NDUFA9: variants seen among roughly 807,000 people sequenced by gnomAD.
NDUFA9 encodes NADH dehydrogenase [ubiquinone] 1 alpha subcomplex subunit 9, mitochondrial.
A neutral mutation model predicts 45.9 loss-of-function variants in NDUFA9; 23 were observed. The ratio of observed to expected loss-of-function variants is 0.50; its 90% CI spans 0.36 to 0.71. The LOEUF (loss-of-function observed/expected upper bound fraction) is 0.71, where lower values mean the gene tolerates loss of function less well. Among genes scored for constraint, NDUFA9 ranks in the 30% least tolerant of loss-of-function variants. The pLI is 0.00. For missense variants in NDUFA9, 466 were observed against 488.2 expected (o/e 0.95, Z 0.43); for synonymous variants, 176 against 170.5 (o/e 1.03, Z -0.25).
At chr12:4,679,833 G>A (rs922871834) in intron 8 of NDUFA9, among the ~76,000 whole-genome samples, 1 of 152,190 alleles carries the variant, frequency 6.6e-6, no homozygotes, top group African/African-American at 2.4e-5. Context: ...GGTACATCTT[G>A]TTTATAAATT....
intron 6 of NDUFA9, among the ~76,000 whole-genome samples, chr12:4,667,862 CA>C (rs200146457): frequency 6.6e-6 from 1 of 151,538 alleles, no homozygotes; most frequent in Non-Finnish European, 1.5e-5. Context: ...ACAAACAAAA[CA>C]AAAAAAACTT....
intron 8 of NDUFA9, among the ~76,000 whole-genome samples, chr12:4,673,639 A>G (rs940660721): frequency 5.3e-5 from 8 of 152,230 alleles, no homozygotes; most frequent in Admixed American, 5.2e-4. Context: ...AAAAGAGTGA[A>G]AAGAAATGAA....
intron 6 of NDUFA9, among the ~76,000 whole-genome samples, chr12:4,664,692 A>G (rs1404438412): frequency 6.6e-6 from 1 of 152,222 alleles, no homozygotes; most frequent in Non-Finnish European, 1.5e-5. Flanking sequence ...AGTAGGTCCT[A>G]GAAGTTAGAA....
rs962857616 is a variant in NDUFA9 at position 4,688,886 on chromosome 12, G to A, written c.*1778G>A. 3.9e-5 allele frequency: 6 copies of A among 152,156 alleles called. No homozygotes were observed. The highest frequency in any genetic ancestry group is 1.3e-4 in the Admixed American group (2 of 15,284). The allele number at this position is 152,156 out of a possible 1,614,324, so 9.4% of individuals were successfully genotyped here. A position where few individuals can be genotyped will look rare whatever the true frequency, so the allele number is the denominator to read the frequency against. On this transcript the variant is annotated 3_prime_UTR_variant, in exon 11 of 11. Transcript: ENST00000266544. Reference sequence around the variant, plus strand: ...CCAGCCATTAGGCACAGAGATGGGTGGATTTAATTTGAAAAGGAACTATAA... The same window carrying A: ...CCAGCCATTAGGCACAGAGATGGGTAGATTTAATTTGAAAAGGAACTATAA...
intron 6 of NDUFA9, among the ~76,000 whole-genome samples, chr12:4,666,718 T>G (rs2137472574): frequency 6.6e-6 from 1 of 152,354 alleles, no homozygotes; most frequent in South Asian, 2.1e-4. Context: ...CATTGCTCTG[T>G]ATGTTTTTCT....
intron 8 of NDUFA9, among the ~76,000 whole-genome samples, chr12:4,673,437 TTAGATGAATTGCTAAC>T (rs2137478609): frequency 6.6e-6 from 1 of 152,202 alleles, no homozygotes; most frequent in East Asian, 1.9e-4. Context: ...TGAGAAAAGG[TTAGATGAATTGCTAAC>T]TAGAATAACC....
At chr12:4,654,540 C>A in intron 2 of NDUFA9, 78 bp downstream of exon 2, 1 of 1,491,754 alleles carries the variant, frequency 6.7e-7, no homozygotes, top group South Asian at 1.2e-5. Flanking sequence ...AGCTATGTTT[C>A]TCTTCATTTT....
intron 1 of NDUFA9, among the ~76,000 whole-genome samples, chr12:4,651,876 T>C: frequency 6.6e-6 from 1 of 152,192 alleles, no homozygotes; most frequent in East Asian, 1.9e-4. Flanking sequence ...CACTGAGCAA[T>C]GGAGAACGGG....
chr12:4,660,099 G>A (rs1019082977), intron 5 of NDUFA9, among the ~76,000 whole-genome samples: 1 of 152,198 alleles, frequency 6.6e-6, no homozygotes, highest in African/African-American at 2.4e-5. Flanking sequence ...TCTGGCTGAA[G>A]CCACTGGGTA....
rs1946010886 is a variant in NDUFA9 at position 4,690,048 on chromosome 12, G to A, written c.*2940G>A. The A allele has an allele frequency of 6.6e-6, 1 of 152,438 alleles. No homozygotes were observed. Among genetic ancestry groups the A allele is most frequent in the Non-Finnish European group, 1.5e-5 (1 of 68,250 alleles). The allele number at this position is 152,438 out of a possible 1,614,324, so 9.4% of individuals were successfully genotyped here. A position where few individuals can be genotyped will look rare whatever the true frequency, so the allele number is the denominator to read the frequency against. On this transcript the variant is annotated 3_prime_UTR_variant, in exon 11 of 11. Coordinates refer to ENST00000266544, the MANE Select transcript of NDUFA9 (RefSeq NM_005002.5). ...GCATATGACAAGTAACTGGGAGCTGGGCATAAGATCTAGGACACTCATATC... is the reference window on the plus strand; with the variant it reads ...GCATATGACAAGTAACTGGGAGCTGAGCATAAGATCTAGGACACTCATATC...
chr12:4,683,548 C>G (rs1945966754), intron 9 of NDUFA9, among the ~76,000 whole-genome samples: 1 of 152,182 alleles, frequency 6.6e-6, no homozygotes, highest in African/African-American at 2.4e-5. Flanking sequence ...AAATAGACCA[C>G]TAGAATGCAG....
chr12:4,650,594 A>G (rs1189205454), intron 1 of NDUFA9, among the ~76,000 whole-genome samples: 2 of 152,234 alleles, frequency 1.3e-5, no homozygotes, highest in Non-Finnish European at 2.9e-5. Context: ...AGTATGTAAC[A>G]TAATCCACAC....
chr12:4,678,587 A>C (rs953332743), intron 8 of NDUFA9, among the ~76,000 whole-genome samples: 1 of 152,208 alleles, frequency 6.6e-6, no homozygotes, highest in Non-Finnish European at 1.5e-5. Context: ...TATACAAAGA[A>C]ATCTTAGAAC....
intron 6 of NDUFA9, among the ~76,000 whole-genome samples, chr12:4,662,906 G>A (rs1945831735): frequency 6.6e-6 from 1 of 152,098 alleles, no homozygotes; most frequent in Non-Finnish European, 1.5e-5. Context: ...TGTGACCTTG[G>A]CAAATATTCG....
intron 6 of NDUFA9, among the ~76,000 whole-genome samples, chr12:4,664,940 A>G (rs1328732527): frequency 6.6e-6 from 1 of 152,114 alleles, no homozygotes. Flanking sequence ...AGGAATGTCT[A>G]TCTTATGCCT....
intron 9 of NDUFA9, 41 bp downstream of exon 9, chr12:4,682,341 A>G: frequency 7.0e-7 from 1 of 1,429,878 alleles, no homozygotes; most frequent in Non-Finnish European, 9.9e-7. Context: ...TGAAAAAGCC[A>G]GCTCCACACA....
At chr12:4,663,308 A>T (rs910773633) in intron 6 of NDUFA9, among the ~76,000 whole-genome samples, 3 of 152,188 alleles carry the variant, frequency 2.0e-5, no homozygotes, top group Middle Eastern at 3.2e-3. Flanking sequence ...CTTAAAAAAA[A>T]TTGTGGCAAA....
At chr12:4,673,322 A>T (rs1048165122) in intron 8 of NDUFA9, among the ~76,000 whole-genome samples, 1 of 152,206 alleles carries the variant, frequency 6.6e-6, no homozygotes, top group South Asian at 2.1e-4. Flanking sequence ...CCTCCAAAGG[A>T]TTACAACTCC....
intron 1 of NDUFA9, among the ~76,000 whole-genome samples, chr12:4,650,259 A>G (rs1029618381): frequency 6.6e-6 from 1 of 151,548 alleles, no homozygotes; most frequent in Non-Finnish European, 1.5e-5. Context: ...TTTGTTTTCC[A>G]TCTTGGGTAG....
Sources: allele counts gnomAD v4.1 joint callset (sites outside exome capture counted in the v4.1 genomes callset), GRCh38; gene constraint gnomAD v4.1.1; transcripts MANE v1.5; gene names NCBI Gene and HGNC (gene_info 2026-07-23, HGNC 2026-07-21).